The following SORCS1 variants were observed in gnomAD, a reference collection of about 807,000 sequenced individuals.
The protein encoded by SORCS1 is sortilin related VPS10 domain containing receptor 1.
SORCS1 carries 60 observed loss-of-function variants against 146.1 expected under a neutral mutation model. The observed-to-expected ratio is 0.41, with a 90% CI of 0.33 to 0.51. The LOEUF is 0.51. Ranked by LOEUF, SORCS1 falls within the 20% of genes least tolerant of loss-of-function variation. The pLI is 0.21. For missense variants in SORCS1, 1,352 were observed against 1,487.6 expected, an observed-to-expected ratio of 0.91 and a Z score of 1.50; for synonymous variants, 637 against 584.0, an observed-to-expected ratio of 1.09 and a Z score of -1.31.
chr10:107,007,973 T>C (rs1262403574), intron 1 of SORCS1, among the ~76,000 whole-genome samples: 2 of 151,178 alleles, frequency 1.3e-5, no homozygotes, highest in Non-Finnish European at 2.9e-5. Context: ...CCCATGATAA[T>C]ATTATAAAGT....
At chr10:106,771,807 T>C (rs150357755) in intron 4 of SORCS1, among the ~76,000 whole-genome samples, 2 of 152,324 alleles carry the variant, frequency 1.3e-5, no homozygotes, top group East Asian at 3.9e-4. Context: ...CATCCTCACA[T>C]AGGCCCTTCA....
At chr10:106,622,488 G>A (rs978073640) in intron 19 of SORCS1, among the ~76,000 whole-genome samples, 2 of 151,928 alleles carry the variant, frequency 1.3e-5, no homozygotes, top group Non-Finnish European at 2.9e-5. Context: ...GTATTCACTG[G>A]GTAAAACAAA....
intron 17 of SORCS1, 111 bp downstream of exon 17, chr10:106,667,578 G>A: frequency 1.4e-6 from 1 of 705,006 alleles, no homozygotes; most frequent in East Asian, 2.7e-5. Context: ...CAATTACATT[G>A]TGCTGTAAGG....
chr10:106,653,828 T>A (rs1175194614), intron 17 of SORCS1, among the ~76,000 whole-genome samples: 1 of 152,216 alleles, frequency 6.6e-6, no homozygotes, highest in South Asian at 2.1e-4. Context: ...CAAGTGCTCA[T>A]AAAATATTAC....
chr10:107,149,233 A>C (rs961127592), intron 1 of SORCS1, among the ~76,000 whole-genome samples: 1 of 152,200 alleles, frequency 6.6e-6, no homozygotes, highest in Non-Finnish European at 1.5e-5. Flanking sequence ...GAAGAACGGA[A>C]AGGGCCAACC....
Position 106,737,195 on chromosome 10 carries a change from A to T in SORCS1, c.960-7081T>A, listed in dbSNP as rs1367933722. On this transcript the variant is annotated intron_variant, in intron 5 of 25. Transcript: ENST00000263054. ...TTGAGCAAAGGGCTTGGTAAATAGG[A>T]CTAAAAGTTTAAACAACAATGTTTA... Among the ~76,000 whole-genome samples the T allele has an allele frequency of 3.9e-5, 6 of 152,286 alleles. No homozygotes were observed. In the East Asian group the frequency reaches 1.2e-3, roughly 29 times the overall value.
At chr10:106,608,169 A>G (rs192420537) in intron 22 of SORCS1, among the ~76,000 whole-genome samples, 36 of 152,282 alleles carry the variant, frequency 2.4e-4, no homozygotes, top group Middle Eastern at 3.4e-3. Flanking sequence ...AGAATTCCCA[A>G]TGCTAACAGG....
chr10:107,049,292 A>G (rs1959862022), intron 1 of SORCS1, among the ~76,000 whole-genome samples: 3 of 114,418 alleles, frequency 2.6e-5, no homozygotes, highest in Admixed American at 9.7e-5. Flanking sequence ...GGGGGGAGGG[A>G]TAGCATTAGG....
At chr10:107,157,781 G>C (rs934869240) in intron 1 of SORCS1, among the ~76,000 whole-genome samples, 8 of 152,122 alleles carry the variant, frequency 5.3e-5, no homozygotes, top group Non-Finnish European at 1.2e-4. Flanking sequence ...AATCGGAGCA[G>C]AGTTTGAGCT....
At chr10:106,609,813 G>C (rs1376563865) in intron 22 of SORCS1, among the ~76,000 whole-genome samples, 1 of 152,224 alleles carries the variant, frequency 6.6e-6, no homozygotes, top group African/African-American at 2.4e-5. Flanking sequence ...TAAGTAATAA[G>C]TGTGAAGAGA....
intron 1 of SORCS1, among the ~76,000 whole-genome samples, chr10:107,021,382 C>A (rs1358120829): frequency 6.6e-6 from 1 of 151,238 alleles, no homozygotes; most frequent in Non-Finnish European, 1.5e-5. Flanking sequence ...GGCATGGTGG[C>A]GGGTGCCTGT....
chr10:106,775,918 G>A (rs1389977868), intron 4 of SORCS1, among the ~76,000 whole-genome samples: 1 of 152,138 alleles, frequency 6.6e-6, no homozygotes, highest in African/African-American at 2.4e-5. Context: ...TATATTATAG[G>A]ATGACATTTT....
At chr10:106,658,900 T>A (rs1004930186) in intron 17 of SORCS1, among the ~76,000 whole-genome samples, 1 of 152,154 alleles carries the variant, frequency 6.6e-6, no homozygotes, top group Non-Finnish European at 1.5e-5. Flanking sequence ...TCTCCTATTA[T>A]ATATACCAGA....
chr10:106,879,042 C>T (rs1950714628), intron 2 of SORCS1, among the ~76,000 whole-genome samples: 1 of 150,554 alleles, frequency 6.6e-6, no homozygotes, highest in South Asian at 2.1e-4. Context: ...CCCAGCTACT[C>T]GGGGGGCTGA....
intron 1 of SORCS1, among the ~76,000 whole-genome samples, chr10:106,958,108 A>G (rs1337398147): frequency 1.3e-5 from 2 of 152,234 alleles, no homozygotes; most frequent in Admixed American, 6.5e-5. Context: ...TTTGAAATAC[A>G]TGAGCCCAAG....
At chr10:106,916,387 AT>A (rs1366088277) in intron 2 of SORCS1, among the ~76,000 whole-genome samples, 2 of 151,146 alleles carry the variant, frequency 1.3e-5, no homozygotes, top group Non-Finnish European at 2.9e-5. Flanking sequence ...TCCAGGTCCA[AT>A]TTTTTGTTTC....
intron 1 of SORCS1, among the ~76,000 whole-genome samples, chr10:106,970,869 G>A (rs1334006467): frequency 2.7e-5 from 4 of 150,382 alleles, no homozygotes. Flanking sequence ...CTCCCAAGTA[G>A]CTGGGATTAC....
At chr10:106,828,013 G>C (rs999578624) in intron 3 of SORCS1, among the ~76,000 whole-genome samples, 21 of 152,132 alleles carry the variant, frequency 1.4e-4, no homozygotes, top group African/African-American at 4.8e-4. Flanking sequence ...AGAATGAAGA[G>C]AAAACATTAA....
At chr10:106,679,458 G>T (rs1162475543) in intron 11 of SORCS1, 126 bp from the exon 12 acceptor site, 2 of 961,304 alleles carry the variant, frequency 2.1e-6, no homozygotes, top group Non-Finnish European at 3.1e-6. Context: ...GGGGTTTTCT[G>T]CAGACTTGCT....
Sources: gnomAD v4.1 joint callset for allele counts (sites outside exome capture counted in the v4.1 genomes callset) on GRCh38, gnomAD v4.1.1 for gene constraint, MANE v1.5 for transcripts, NCBI Gene and HGNC (gene_info 2026-07-23, HGNC 2026-07-21) for gene names.